Variants in NFATC2 observed in about 807,000 individuals in gnomAD.
The protein encoded by NFATC2 is nuclear factor of activated T cells 2, also known as nuclear factor of activated T-cells, cytoplasmic 2.
Under a neutral mutation model 87.3 loss-of-function variants are expected in NFATC2, and 22 were observed. That is an observed-to-expected ratio of 0.25 (90% CI 0.18 to 0.36). The LOEUF (loss-of-function observed/expected upper bound fraction) is 0.36. NFATC2 is among the 10% of genes least tolerant of loss of function. NFATC2 has a pLI of 1.00. For missense variants in NFATC2, 1,149 were observed against 1,259.1 expected (o/e 0.91, Z 1.32); for synonymous variants, 565 against 542.2 (o/e 1.04, Z -0.58).
intron 10 of NFATC2, among the ~76,000 whole-genome samples, chr20:51,396,034 G>GTA (rs1325327900): frequency 5.5e-5 from 7 of 126,498 alleles, no homozygotes; most frequent in African/African-American, 1.7e-4. Flanking sequence ...TCAGCTCCTA[G>GTA]TATGTATATA....
intron 3 of NFATC2, among the ~76,000 whole-genome samples, chr20:51,507,362 C>T (rs187469476): frequency 6.6e-6 from 1 of 152,278 alleles, no homozygotes; most frequent in Admixed American, 6.5e-5. Flanking sequence ...ACTCTCAGAG[C>T]CCCCTCCGTA....
At position 51,432,501 on chromosome 20, in the gene NFATC2, A is replaced by G. The variant is rs149268536; in HGVS notation, c.2288T>C (p.Leu763Pro). 22 of 1,557,112 alleles carry G rather than the reference A, an allele frequency of 1.4e-5. No homozygotes were observed. Among genetic ancestry groups the G allele is most frequent in the Middle Eastern group, 3.5e-4 (2 of 5,750 alleles). Reference sequence around the variant, plus strand: ...CATGAGGGCCGGCTGCTGATAGCCCAGCAGGCTGGGGCTCAGGCTCTTGCT... The same window carrying G: ...CATGAGGGCCGGCTGCTGATAGCCCGGCAGGCTGGGGCTCAGGCTCTTGCT... ...QRSKSLSPSL[L>P]GYQQPALMAA... is the part of the protein sequence containing the mutation. The change falls in exon 9 of 11, where the codon CTG (leucine) becomes CCG (proline). Residue 763 changes from leucine (L) to proline (P), a missense_variant. Transcript: ENST00000371564. This position sits in a 1 kb window ranked among gnomAD's most constrained non-coding sequence, Gnocchi z 4.6.
At chr20:51,435,435 ACAGGGGAAGTTCAATTT>A (rs1983420326) in intron 7 of NFATC2, 121 bp from the exon 8 acceptor site, 13 of 1,397,482 alleles carry the variant, frequency 9.3e-6, no homozygotes, top group Non-Finnish European at 9.8e-6. Context: ...TCATCGGTTT[ACAGGGGAAGTTCAATTT>A]CAGGGGAATT....
intron 1 of NFATC2, among the ~76,000 whole-genome samples, chr20:51,539,857 G>C (rs1295506213): frequency 6.6e-6 from 1 of 152,148 alleles, no homozygotes; most frequent in African/African-American, 2.4e-5. Context: ...TCTCAGCAAA[G>C]AGTAAGTGCT....
At chr20:51,512,497 G>A (rs904085390) in intron 3 of NFATC2, among the ~76,000 whole-genome samples, 1 of 152,182 alleles carries the variant, frequency 6.6e-6, no homozygotes, top group Non-Finnish European at 1.5e-5. Context: ...CAGGTCCCCA[G>A]TGAGACATTC....
chr20:51,398,764 A>ACC lies in NFATC2; in HGVS notation c.2723-35_2723-34insGG, dbSNP rs1987627769. On this transcript the variant is annotated intron_variant, in intron 9 of 10. Transcript: ENST00000371564. Reference sequence around the variant, plus strand: ...GATTTGCAAAATCATTTTTGAGAAGAAAAAAAAAAATCACCTTTGATCTCT... The same window carrying ACC: ...GATTTGCAAAATCATTTTTGAGAAGACCAAAAAAAAAATCACCTTTGATCTCT... The ACC allele has an allele frequency of 6.8e-6, 3 of 443,274 alleles. No homozygotes were observed. In the African/African-American group the frequency reaches 2.2e-4, roughly 33 times the overall value. 27.5% of individuals were successfully genotyped at this position (443,274 alleles called of 1,614,324 possible). A position where few individuals can be genotyped will look rare whatever the true frequency, so the allele number is the denominator to read the frequency against.
chr20:51,540,104 A>G (rs761000071), intron 1 of NFATC2, among the ~76,000 whole-genome samples: 2 of 152,138 alleles, frequency 1.3e-5, no homozygotes, highest in Non-Finnish European at 2.9e-5. Flanking sequence ...ACTTCTGCCT[A>G]CTGGGTTCAA....
chr20:51,425,638 T>A (rs1425402756), intron 9 of NFATC2, among the ~76,000 whole-genome samples: 1 of 152,260 alleles, frequency 6.6e-6, no homozygotes, highest in African/African-American at 2.4e-5. Flanking sequence ...TGTCCCAGGC[T>A]TGCCGTGGGC....
At chr20:51,539,472 C>T (rs1366403993) in intron 1 of NFATC2, among the ~76,000 whole-genome samples, 1 of 152,096 alleles carries the variant, frequency 6.6e-6, no homozygotes, top group East Asian at 1.9e-4. Context: ...TACCATGTCC[C>T]TTCTCTTTTT....
chr20:51,392,850 T>C (rs1360932250), intron 10 of NFATC2, among the ~76,000 whole-genome samples: 1 of 152,220 alleles, frequency 6.6e-6, no homozygotes, highest in Non-Finnish European at 1.5e-5. Flanking sequence ...CCCAGATGGT[T>C]TGCAACCTCC....
intron 9 of NFATC2, among the ~76,000 whole-genome samples, chr20:51,408,152 C>G (rs1358810215): frequency 6.6e-6 from 1 of 152,096 alleles, no homozygotes; most frequent in Non-Finnish European, 1.5e-5. Context: ...CAGTGAGCCT[C>G]GTGAGAAGTG....
intron 9 of NFATC2, among the ~76,000 whole-genome samples, chr20:51,408,308 G>GT (rs1978644823): frequency 6.6e-6 from 1 of 152,122 alleles, no homozygotes; most frequent in Non-Finnish European, 1.5e-5. Context: ...GAGGTCAGGA[G>GT]TTCGAGACCA....
rs1220219765 is a variant in NFATC2, at chr20:51,562,192, G to A, written c.70+368C>T. On this transcript the variant is annotated intron_variant, in intron 1 of 10. Transcript: ENST00000414705. The surrounding 1 kb of genome is among the most constrained non-coding windows in gnomAD (Gnocchi z 5.8). ...AATAATAATAATACTGCAGCGTTAT[G>A]GCATTTGCTGTCAAAAGCCGAGTGC... Among the ~76,000 whole-genome samples, 1 of 152,212 alleles carries A rather than the reference G, an allele frequency of 6.6e-6. No homozygotes were observed. The highest frequency in any genetic ancestry group is 1.5e-5 in the Non-Finnish European group (1 of 68,040).
At chr20:51,455,940 A>ATGGG (rs1569001442) in intron 5 of NFATC2, among the ~76,000 whole-genome samples, 2 of 9,362 alleles carry the variant, frequency 2.1e-4, no homozygotes, top group Non-Finnish European at 3.9e-4. Context: ...GGGTGGGTAG[A>ATGGG]TGGATGGATG....
chr20:51,522,382 A>G (rs2076460748), intron 2 of NFATC2, among the ~76,000 whole-genome samples: 1 of 152,150 alleles, frequency 6.6e-6, no homozygotes. Flanking sequence ...GTGCTGACTG[A>G]TTAGCAATGT....
At chr20:51,497,802 A>G (rs915958537) in intron 3 of NFATC2, among the ~76,000 whole-genome samples, 27 of 152,272 alleles carry the variant, frequency 1.8e-4, no homozygotes, top group African/African-American at 6.3e-4. Context: ...TGCCTTGTTC[A>G]GAAAGGGACC....
intron 9 of NFATC2, among the ~76,000 whole-genome samples, chr20:51,415,246 A>AG (rs983454553): frequency 1.9e-4 from 1 of 5,262 alleles, no homozygotes; most frequent in African/African-American, 2.8e-4. Context: ...ACCCTGTATC[A>AG]AAAAAAAAAA....
intron 1 of NFATC2, among the ~76,000 whole-genome samples, chr20:51,531,859 G>A (rs1219518964): frequency 3.3e-5 from 5 of 151,982 alleles, no homozygotes; most frequent in South Asian, 4.1e-4. Flanking sequence ...CAACCCCTTC[G>A]AAAGCATTAC....
At chr20:51,496,836 TG>T (rs1467473558) in intron 3 of NFATC2, among the ~76,000 whole-genome samples, 8 of 152,212 alleles carry the variant, frequency 5.3e-5, no homozygotes, top group African/African-American at 1.9e-4. Flanking sequence ...CCCAGCAGAC[TG>T]GGCACTCCCT....
Sources: allele counts gnomAD v4.1 joint callset (sites outside exome capture counted in the v4.1 genomes callset), GRCh38; gene constraint gnomAD v4.1.1; non-coding constraint Gnocchi (gnomAD v3.1); transcripts MANE v1.5; gene names NCBI Gene and HGNC (gene_info 2026-07-23, HGNC 2026-07-21).